The following NUDCD1 variants were observed in gnomAD, a reference collection of about 807,000 sequenced individuals.
The protein encoded by NUDCD1 is NudC domain containing 1.
Under a neutral mutation model 67.8 loss-of-function variants are expected in NUDCD1, and 60 were observed. That is an observed-to-expected ratio of 0.88 (90% CI 0.72 to 1.10). The LOEUF is 1.10. Among genes scored for constraint, NUDCD1 ranks in the 50% least tolerant of loss-of-function variants. The pLI, the probability that NUDCD1 is intolerant of heterozygous loss-of-function variation, is 0.00. For synonymous variants in NUDCD1, 244 were observed against 230.8 expected (o/e 1.06, Z -0.52); for missense variants, 643 against 695.0 (o/e 0.93, Z 0.84).
At chr8:109,284,131 G>C (rs1160426005) in intron 5 of NUDCD1, among the ~76,000 whole-genome samples, 1 of 151,964 alleles carries the variant, frequency 6.6e-6, no homozygotes. Flanking sequence ...AGAAAGCGCA[G>C]GAGTCACAAT....
chr8:109,302,904 C>T (rs2130067281), intron 2 of NUDCD1, among the ~76,000 whole-genome samples: 1 of 152,254 alleles, frequency 6.6e-6, no homozygotes, highest in Non-Finnish European at 1.5e-5. Flanking sequence ...CCCTCAACCC[C>T]ACAACAGGAC....
intron 1 of NUDCD1, among the ~76,000 whole-genome samples, chr8:109,324,980 C>T (rs1018795782): frequency 1.3e-5 from 2 of 152,062 alleles, no homozygotes; most frequent in Non-Finnish European, 2.9e-5. Flanking sequence ...ATTCCAACTA[C>T]TGGGGAGGCT....
chr8:109,262,813 T>TG (rs1454022295), intron 8 of NUDCD1, among the ~76,000 whole-genome samples: 1 of 151,964 alleles, frequency 6.6e-6, no homozygotes, highest in African/African-American at 2.4e-5. Flanking sequence ...CCTAGCACTT[T>TG]GGGAGACCAA....
chr8:109,295,091 A>T (rs1260837679), intron 3 of NUDCD1, among the ~76,000 whole-genome samples: 2 of 152,136 alleles, frequency 1.3e-5, no homozygotes, highest in East Asian at 3.8e-4. Flanking sequence ...TTAAGTTTTT[A>T]AATTTATTTA....
intron 8 of NUDCD1, among the ~76,000 whole-genome samples, chr8:109,267,025 T>C (rs535891599): frequency 2.2e-4 from 33 of 152,308 alleles, no homozygotes; most frequent in Non-Finnish European, 3.8e-4. Context: ...ATTTCAAACA[T>C]TGTATGAGTA....
rs537912876 is a variant in NUDCD1 at position 109,310,644 on chromosome 8, T to C, written c.273+11665A>G. Among the ~76,000 whole-genome samples, 167 of 152,218 alleles carry C rather than the reference T, an allele frequency of 1.1e-3. 1 individual carries two copies. The highest frequency in any genetic ancestry group is 0.01 in the Middle Eastern group (3 of 294). On this transcript the variant is annotated intron_variant, in intron 2 of 9. Transcript: ENST00000239690. ...GGGACTTAATTAAACTAAAGAGTTT[T>C]TGCACAGCAAAAGGAACAGTCAGCA...
At chr8:109,259,876 C>A (rs1435442551) in intron 8 of NUDCD1, among the ~76,000 whole-genome samples, 1 of 152,106 alleles carries the variant, frequency 6.6e-6, no homozygotes, top group African/African-American at 2.4e-5. Context: ...TTCTTCTGGG[C>A]AAATCAAGTA....
chr8:109,287,954 G>A (rs1388725145), intron 5 of NUDCD1, among the ~76,000 whole-genome samples: 1 of 152,104 alleles, frequency 6.6e-6, no homozygotes, highest in East Asian at 1.9e-4. Flanking sequence ...TGCCTTTAGA[G>A]ATTGTGTTTT....
Position 109,243,037 on chromosome 8 carries a change from AAG to A in NUDCD1, c.1722_1723del (p.Leu576AsnfsTer79), listed in dbSNP as rs1485863884. 6.9e-6 allele frequency: 11 copies of A among 1,592,628 alleles called. No individual in the cohort carries two copies. Among genetic ancestry groups the A allele is most frequent in the Non-Finnish European group, 9.5e-6 (11 of 1,160,850 alleles). ...ATTCTCTGTATTTACTTTTATTAAAAAGAGGTTTTTGGTAGTAAGAACAAATA... is the reference window on the plus strand; with the variant it reads ...ATTCTCTGTATTTACTTTTATTAAAAAGGTTTTTGGTAGTAAGAACAAATA... On this transcript the variant is annotated frameshift_variant, in exon 10 of 10. Coordinates refer to ENST00000239690, the MANE Select transcript of NUDCD1 (RefSeq NM_032869.4). LOFTEE classifies it high-confidence loss of function.
chr8:109,298,792 A>C (rs1456325952), intron 2 of NUDCD1: 1 of 152,230 alleles, frequency 6.6e-6, no homozygotes. Context: ...TGATGGACAG[A>C]GCAGCCTGTG....
At chr8:109,244,598 C>T (rs1379504063) in intron 9 of NUDCD1, among the ~76,000 whole-genome samples, 2 of 152,092 alleles carry the variant, frequency 1.3e-5, no homozygotes, top group Non-Finnish European at 2.9e-5. Flanking sequence ...TAGGGTTGTG[C>T]ACATATAGCC....
chr8:109,324,521 A>G (rs544460541), intron 1 of NUDCD1, among the ~76,000 whole-genome samples: 24 of 152,318 alleles, frequency 1.6e-4, no homozygotes, highest in African/African-American at 5.5e-4. Flanking sequence ...AACTAAAACT[A>G]TAACTACTAT....
intron 1 of NUDCD1, among the ~76,000 whole-genome samples, chr8:109,333,442 T>C (rs1026257649): frequency 6.6e-6 from 1 of 152,012 alleles, no homozygotes; most frequent in African/African-American, 2.4e-5. Flanking sequence ...TGGAATGTAG[T>C]TTCTCTTCTA....
At chr8:109,296,637 C>T (rs1814849912) in intron 2 of NUDCD1, 68 bp from the exon 3 acceptor site, 1 of 1,070,638 alleles carries the variant, frequency 9.3e-7, no homozygotes, top group Non-Finnish European at 1.4e-6. Flanking sequence ...AAATAAATAT[C>T]TGCGGTGTGG....
intron 8 of NUDCD1, among the ~76,000 whole-genome samples, chr8:109,256,872 C>T (rs1490101684): frequency 6.6e-6 from 1 of 151,062 alleles, no homozygotes; most frequent in African/African-American, 2.4e-5. Context: ...AAAAAAAGTA[C>T]AAAATAAAGT....
chr8:109,293,258 A>C lies in NUDCD1; in HGVS notation c.640+86T>G, dbSNP rs191615060. On this transcript the variant is annotated intron_variant, in intron 4 of 9. Coordinates refer to ENST00000239690, the MANE Select transcript of NUDCD1 (RefSeq NM_032869.4). ...TGTAACACAATGCCCAAGAAAGAGC[A>C]AACAGTATTTACAGGGACAGCTTTG... is the stretch of plus-strand genomic sequence containing the variant. 10 of 662,544 alleles carry C rather than the reference A, an allele frequency of 1.5e-5. No homozygotes were observed. The African/African-American group carries it at 1.7e-4, about 11-fold the overall frequency. The allele number at this position is 662,544 out of a possible 1,614,324, so 41.0% of individuals were successfully genotyped here.
At chr8:109,286,465 A>AT (rs1814576903) in intron 5 of NUDCD1, among the ~76,000 whole-genome samples, 1 of 152,100 alleles carries the variant, frequency 6.6e-6, no homozygotes, top group African/African-American at 2.4e-5. Flanking sequence ...GGACCAAGAA[A>AT]TAAAGCCATA....
intron 5 of NUDCD1, among the ~76,000 whole-genome samples, chr8:109,284,243 T>C (rs1303133052): frequency 2.6e-5 from 4 of 152,108 alleles, no homozygotes; most frequent in Non-Finnish European, 4.4e-5. Flanking sequence ...GACTGAACTA[T>C]CCCAAATATA....
At chr8:109,264,996 A>C (rs1586260905) in intron 8 of NUDCD1, among the ~76,000 whole-genome samples, 1 of 152,128 alleles carries the variant, frequency 6.6e-6, no homozygotes, top group South Asian at 2.1e-4. Flanking sequence ...CCAAATATAA[A>C]AATTAAGTAC....
Sources: gnomAD v4.1 joint callset for allele counts (sites outside exome capture counted in the v4.1 genomes callset) on GRCh38, gnomAD v4.1.1 for gene constraint, MANE v1.5 for transcripts, NCBI Gene and HGNC (gene_info 2026-07-23, HGNC 2026-07-21) for gene names.